FRMPD4: variants seen among roughly 807,000 people sequenced by gnomAD.
FRMPD4 encodes the protein FERM and PDZ domain-containing protein 4.
In FRMPD4, 22 loss-of-function variants were observed where a neutral mutation model predicts 94.1. The ratio of observed to expected loss-of-function variants is 0.23; its 90% CI spans 0.17 to 0.33. FRMPD4 has a LOEUF of 0.33. Among genes scored for constraint, FRMPD4 ranks in the 10% least tolerant of loss-of-function variants. The pLI is 1.00. For synonymous variants in FRMPD4, 631 were observed against 548.6 expected (o/e 1.15, Z -2.10); for missense variants, 1,111 against 1,339.9 (o/e 0.83, Z 2.67).
At position 12,143,468 on chromosome X, in the gene FRMPD4, A is replaced by G. The variant is rs1366074545; in HGVS notation, c.41+4456A>G. Reference sequence around the variant, plus strand: ...GCCTGACAACAGCAAAGTTGAATAGATGCCACAGAGACCTTATGGCCTACA... The same window carrying G: ...GCCTGACAACAGCAAAGTTGAATAGGTGCCACAGAGACCTTATGGCCTACA... On this transcript the variant is annotated intron_variant, in intron 1 of 16. Coordinates refer to ENST00000675598, the MANE Select transcript of FRMPD4 (RefSeq NM_001368397.1). 2.7e-5 allele frequency among the ~76,000 whole-genome samples: 3 copies of G among 112,843 alleles called. No individual in the cohort carries two copies. The East Asian group carries it at 8.3e-4, about 31-fold the overall frequency.
chrX:12,114,995 A>G (rs1173792604), intron 3 of FRMPD4, among the ~76,000 whole-genome samples: 1 of 112,018 alleles, frequency 8.9e-6, no homozygotes, highest in Non-Finnish European at 1.9e-5. Context: ...TGTTTATACT[A>G]TCAGCAATAC....
chrX:12,461,424 C>A (rs764525985), intron 1 of FRMPD4, among the ~76,000 whole-genome samples: 1 of 111,867 alleles, frequency 8.9e-6, no homozygotes, highest in African/African-American at 3.2e-5. Flanking sequence ...GATTCTCTGC[C>A]TAAAAGTTTC....
At chrX:12,625,779 A>C (rs893541279) in intron 4 of FRMPD4, among the ~76,000 whole-genome samples, 3 of 111,871 alleles carry the variant, frequency 2.7e-5, no homozygotes, top group Non-Finnish European at 5.6e-5. Flanking sequence ...AAATAGCTAA[A>C]AGAGAATTAC....
At chrX:12,245,105 G>A (rs768617613) in intron 1 of FRMPD4, among the ~76,000 whole-genome samples, 1 of 112,536 alleles carries the variant, frequency 8.9e-6, no homozygotes, top group Non-Finnish European at 1.9e-5. Flanking sequence ...GATGTATAGT[G>A]TGTGGCCCTC....
chrX:12,264,032 T>C (rs1414926434), intron 1 of FRMPD4, among the ~76,000 whole-genome samples: 1 of 111,213 alleles, frequency 9.0e-6, no homozygotes, highest in African/African-American at 3.3e-5. Flanking sequence ...GCATTGGGGA[T>C]TAAGTTGCCA....
chrX:12,474,478 A>G (rs185615349), intron 1 of FRMPD4, among the ~76,000 whole-genome samples: 2,588 of 111,622 alleles, frequency 0.023, 41 homozygotes, highest in Non-Finnish European at 0.035. Flanking sequence ...AACTGAAGGA[A>G]ATAGAGACAC....
At chrX:12,123,993 T>G (rs1182130923) in intron 3 of FRMPD4, among the ~76,000 whole-genome samples, 1 of 111,339 alleles carries the variant, frequency 9.0e-6, no homozygotes, top group African/African-American at 3.3e-5. Flanking sequence ...AACCTCCTCT[T>G]TGACCTTATC....
intron 4 of FRMPD4, among the ~76,000 whole-genome samples, chrX:12,668,979 A>G (rs949939175): frequency 5.4e-5 from 6 of 111,832 alleles, no homozygotes; most frequent in South Asian, 3.7e-4. Context: ...AAAATGTAAG[A>G]TGGACCCCAA....
chrX:12,628,089 G>A (rs1018693235), intron 4 of FRMPD4, among the ~76,000 whole-genome samples: 9 of 108,767 alleles, frequency 8.3e-5, no homozygotes, highest in South Asian at 8.7e-4. Context: ...AGCTTACAGC[G>A]AAATCTATTT....
intron 3 of FRMPD4, chrX:12,054,857 G>T (rs1022087902): frequency 9.0e-6 from 1 of 111,574 alleles, no homozygotes; most frequent in African/African-American, 3.3e-5. Context: ...TGAGAAGCGG[G>T]GAAAGGGTAG....
intron 4 of FRMPD4, among the ~76,000 whole-genome samples, chrX:12,653,250 T>C (rs1360310764): frequency 1.8e-5 from 2 of 112,146 alleles, no homozygotes; most frequent in African/African-American, 6.5e-5. Flanking sequence ...ACGTAAAGAA[T>C]AGAAAAAGCA....
intron 3 of FRMPD4, among the ~76,000 whole-genome samples, chrX:11,897,326 T>A (rs958013754): frequency 9.0e-6 from 1 of 111,126 alleles, no homozygotes; most frequent in African/African-American, 3.3e-5. Flanking sequence ...TGTGGGGTTG[T>A]CTAAATTTGT....
chrX:12,541,454 A>G (rs188232754), intron 2 of FRMPD4, among the ~76,000 whole-genome samples: 3,253 of 112,217 alleles, frequency 0.029, 58 homozygotes, highest in Non-Finnish European at 0.045. Flanking sequence ...AGAGAATACT[A>G]TCAACACCTC....
intron 1 of FRMPD4, among the ~76,000 whole-genome samples, chrX:12,350,825 A>G (rs767243711): frequency 8.9e-5 from 10 of 112,621 alleles, no homozygotes; most frequent in Non-Finnish European, 1.9e-4. Context: ...AGATGTGTGC[A>G]AAGTAGAGGA....
At chrX:12,482,639 A>G (rs2057700230) in intron 1 of FRMPD4, among the ~76,000 whole-genome samples, 1 of 112,330 alleles carries the variant, frequency 8.9e-6, no homozygotes, top group Non-Finnish European at 1.9e-5. Context: ...AACATGAACC[A>G]TGTATGTTAT....
intron 3 of FRMPD4, among the ~76,000 whole-genome samples, chrX:12,062,262 A>G (rs1033384488): frequency 7.1e-5 from 8 of 111,990 alleles, no homozygotes; most frequent in African/African-American, 2.6e-4. Flanking sequence ...TTCAGTACAT[A>G]CAAATCCATT....
intron 4 of FRMPD4, among the ~76,000 whole-genome samples, chrX:12,672,622 C>T (rs1425811265): frequency 9.0e-6 from 1 of 111,565 alleles, no homozygotes; most frequent in Admixed American, 9.5e-5. Context: ...CTTTGAAAAT[C>T]TTGCGGCACC....
chrX:12,631,400 T>A (rs1211610688), intron 4 of FRMPD4, among the ~76,000 whole-genome samples: 1 of 112,442 alleles, frequency 8.9e-6, no homozygotes, highest in African/African-American at 3.2e-5. Flanking sequence ...AATTAATTGA[T>A]AGACTTTTTT....
intron 3 of FRMPD4, among the ~76,000 whole-genome samples, chrX:12,028,228 G>A (rs1466289783): frequency 8.9e-6 from 1 of 112,037 alleles, no homozygotes; most frequent in Non-Finnish European, 1.9e-5. Context: ...GTGGCCAGCT[G>A]CTTCTTCAAA....
Sources: gnomAD v4.1 joint callset for allele counts (sites outside exome capture counted in the v4.1 genomes callset) on GRCh38, gnomAD v4.1.1 for gene constraint, MANE v1.5 for transcripts, NCBI Gene and HGNC (gene_info 2026-07-23, HGNC 2026-07-21) for gene names.